The following ESR1 variants were observed in gnomAD, a reference collection of about 807,000 sequenced individuals.
The protein encoded by ESR1 is estrogen receptor 1.
Under a neutral mutation model 52.7 loss-of-function variants are expected in ESR1, and 12 were observed. The observed-to-expected ratio is 0.23, with a 90% CI of 0.15 to 0.37. The LOEUF (loss-of-function observed/expected upper bound fraction) is 0.37. Ranked by LOEUF, ESR1 falls within the 10% of genes least tolerant of loss-of-function variation. ESR1 has a pLI of 1.00. For synonymous variants in ESR1, 305 were observed against 316.8 expected, an observed-to-expected ratio of 0.96 and a Z score of 0.39; for missense variants, 584 against 779.7, an observed-to-expected ratio of 0.75 and a Z score of 2.99.
intron 4 of ESR1, among the ~76,000 whole-genome samples, chr6:151,997,219 T>C (rs899176645): frequency 1.3e-5 from 2 of 152,140 alleles, no homozygotes; most frequent in African/African-American, 4.8e-5. Flanking sequence ...TATTGGCATA[T>C]GTCTGGCTTC....
intron 1 of ESR1, among the ~76,000 whole-genome samples, chr6:151,678,686 G>GT (rs779745084): frequency 3.0e-4 from 42 of 140,300 alleles, no homozygotes; most frequent in East Asian, 4.6e-4. Context: ...ACAAACCACT[G>GT]GTTTTTTTTT....
intron 2 of ESR1, among the ~76,000 whole-genome samples, chr6:151,849,894 A>G (rs1372336403): frequency 4.1e-5 from 6 of 147,974 alleles, no homozygotes; most frequent in Non-Finnish European, 7.4e-5. Context: ...AGCTCTCTAA[A>G]GTGGGCATTC....
In ESR1 at chr6:151,807,771, G is replaced by A; in HGVS notation, c.-142G>A. ...ACCCGCAGGCTCCCGGGGCAGGGCC[G>A]GGGCCAGAGCTCGCGTGTCGGCGGG... On this transcript the variant is annotated 5_prime_UTR_variant, in exon 1 of 8. Transcript: ENST00000206249. 2 of 836,366 alleles carry A rather than the reference G, an allele frequency of 2.4e-6. No individual in the cohort carries two copies. The highest frequency in any genetic ancestry group is 3.9e-6 in the Non-Finnish European group (2 of 512,588). The allele number at this position is 836,366 out of a possible 1,614,324, so 51.8% of individuals were successfully genotyped here.
At chr6:151,889,980 T>C (rs899407969) in intron 3 of ESR1, among the ~76,000 whole-genome samples, 10 of 152,210 alleles carry the variant, frequency 6.6e-5, no homozygotes, top group African/African-American at 2.4e-4. Flanking sequence ...TGTTGATTTA[T>C]AGTTTCATAT....
At chr6:151,822,060 A>C (rs1198552142) in intron 1 of ESR1, among the ~76,000 whole-genome samples, 1 of 152,240 alleles carries the variant, frequency 6.6e-6, no homozygotes, top group Admixed American at 6.5e-5. Flanking sequence ...GATAGAATTT[A>C]TAACTAAACA....
intron 2 of ESR1, among the ~76,000 whole-genome samples, chr6:151,715,653 A>G (rs1164923620): frequency 6.6e-6 from 1 of 152,054 alleles, no homozygotes; most frequent in African/African-American, 2.4e-5. Context: ...ATGCTTCATA[A>G]AGTTCTTGTG....
intron 4 of ESR1, among the ~76,000 whole-genome samples, chr6:151,989,614 T>G (rs1212792490): frequency 6.6e-6 from 1 of 152,118 alleles, no homozygotes; most frequent in Non-Finnish European, 1.5e-5. Flanking sequence ...GTAGACTGGC[T>G]TAGGGTCTAA....
chr6:151,893,540 A>G (rs7772649), intron 3 of ESR1, among the ~76,000 whole-genome samples: 2 of 151,790 alleles, frequency 1.3e-5, no homozygotes, highest in Non-Finnish European at 2.9e-5. Context: ...TTGCTTTACA[A>G]GACTAATCAT....
chr6:151,789,317 A>G (rs1787309818), intron 2 of ESR1, among the ~76,000 whole-genome samples: 1 of 152,226 alleles, frequency 6.6e-6, no homozygotes, highest in African/African-American at 2.4e-5. Flanking sequence ...TTACATTTTC[A>G]AACCTCTTTT....
chr6:151,671,096 T>A (rs1041115230), intron 1 of ESR1, among the ~76,000 whole-genome samples: 2 of 151,640 alleles, frequency 1.3e-5, no homozygotes, highest in Non-Finnish European at 2.9e-5. Context: ...TGGAGAGGAG[T>A]TAGAGGAAAT....
chr6:151,777,123 C>T (rs9479113), intron 2 of ESR1, among the ~76,000 whole-genome samples: 49,479 of 132,496 alleles, frequency 0.37, 11,231 homozygotes, highest in East Asian at 0.69. Flanking sequence ...CTTTTCTTTT[C>T]TTTTTTTTTT....
chr6:152,091,638 ACTCC>A (rs2050188519), intron 6 of ESR1, among the ~76,000 whole-genome samples: 1 of 151,766 alleles, frequency 6.6e-6, no homozygotes, highest in Admixed American at 6.6e-5. Flanking sequence ...GAAAAAAGTC[ACTCC>A]CCAGAGGCCG....
chr6:151,705,209 C>G (rs1207097615), intron 2 of ESR1, among the ~76,000 whole-genome samples: 1 of 152,086 alleles, frequency 6.6e-6, no homozygotes, highest in Admixed American at 6.5e-5. Context: ...AGACAACAGG[C>G]TAGGATTAGC....
chr6:152,031,116 A>ACTC (rs1464691188), intron 5 of ESR1, among the ~76,000 whole-genome samples: 1 of 152,348 alleles, frequency 6.6e-6, no homozygotes, highest in East Asian at 1.9e-4. Context: ...ACATACCAGA[A>ACTC]TCTCTGGGAC....
At chr6:151,961,145 G>C (rs1369519446) in intron 4 of ESR1, among the ~76,000 whole-genome samples, 3 of 152,146 alleles carry the variant, frequency 2.0e-5, no homozygotes, top group African/African-American at 2.4e-5. Context: ...TGATGTTATG[G>C]GTCCTCAGCA....
chr6:151,743,861 C>T (rs1031777460), intron 2 of ESR1, among the ~76,000 whole-genome samples: 1 of 152,108 alleles, frequency 6.6e-6, no homozygotes, highest in Non-Finnish European at 1.5e-5. Flanking sequence ...ACGAATTAAT[C>T]GTAGAGTATT....
chr6:152,101,666 C>T lies in ESR1; in HGVS notation c.*2700C>T. 1 of 231,244 alleles carries T rather than the reference C, an allele frequency of 4.3e-6. No individual in the cohort carries two copies. Among genetic ancestry groups the T allele is most frequent in the Non-Finnish European group, 8.6e-6 (1 of 116,926 alleles). The allele number at this position is 231,244 out of a possible 1,614,324, so 14.3% of individuals were successfully genotyped here. A position where few individuals can be genotyped will look rare whatever the true frequency, so the allele number is the denominator to read the frequency against. ...ACATGATTTAAAAAAAAACTCTTGCCTCTGCTTTCCCCCACTCTGAGGCAA... is the reference window on the plus strand; with the variant it reads ...ACATGATTTAAAAAAAAACTCTTGCTTCTGCTTTCCCCCACTCTGAGGCAA... On this transcript the variant is annotated 3_prime_UTR_variant, in exon 8 of 8. Transcript: ENST00000206249.
chr6:151,971,812 C>G (rs2038940727), intron 4 of ESR1, among the ~76,000 whole-genome samples: 1 of 151,750 alleles, frequency 6.6e-6, no homozygotes, highest in South Asian at 2.1e-4. Flanking sequence ...AAGATCAGAG[C>G]AGAACTAAAT....
At chr6:152,071,495 G>A (rs1272238342) in intron 6 of ESR1, among the ~76,000 whole-genome samples, 2 of 152,132 alleles carry the variant, frequency 1.3e-5, no homozygotes, top group Admixed American at 6.5e-5. Flanking sequence ...GTGCTTCTGT[G>A]TGCTTGCCCA....
Sources: allele counts gnomAD v4.1 joint callset (sites outside exome capture counted in the v4.1 genomes callset), GRCh38; gene constraint gnomAD v4.1.1; transcripts MANE v1.5; gene names NCBI Gene and HGNC (gene_info 2026-07-23, HGNC 2026-07-21).